CLMN: variants seen among roughly 807,000 people sequenced by gnomAD.
CLMN encodes the protein calmin (calponin-like, transmembrane).
Under a neutral mutation model 92.7 loss-of-function variants are expected in CLMN, and 57 were observed. That is an observed-to-expected ratio of 0.61 (90% CI 0.50 to 0.77). The LOEUF (loss-of-function observed/expected upper bound fraction) is 0.77. Among genes scored for constraint, CLMN ranks in the 30% least tolerant of loss-of-function variants. The pLI is 0.00. For synonymous variants in CLMN, 466 were observed against 470.6 expected (o/e 0.99, Z 0.13); for missense variants, 1,158 against 1,237.5 (o/e 0.94, Z 0.96).
At chr14:95,308,053 G>A (rs901893793) in intron 1 of CLMN, among the ~76,000 whole-genome samples, 1 of 152,190 alleles carries the variant, frequency 6.6e-6, no homozygotes, top group Admixed American at 6.5e-5. Context: ...GGACAAGAGG[G>A]TGGTTCCCAT....
intron 1 of CLMN, among the ~76,000 whole-genome samples, chr14:95,275,077 C>T (rs539031247): frequency 3.2e-4 from 48 of 152,032 alleles, no homozygotes; most frequent in African/African-American, 1.2e-3. Flanking sequence ...TACATATACC[C>T]AAGAAAGGCA....
chr14:95,301,673 C>T lies in CLMN; in HGVS notation c.82+18038G>A, dbSNP rs1361427173. On this transcript the variant is annotated intron_variant, in intron 1 of 12. Transcript: ENST00000298912. ...TTCCTGAACAACCAGCACATTCCTG[C>T]CCTTGCATGCTGGCTCATACCAACC... Among the ~76,000 whole-genome samples the T allele has an allele frequency of 2.6e-5, 4 of 152,368 alleles. No homozygotes were observed. In the South Asian group the frequency reaches 6.2e-4, roughly 24 times the overall value.
intron 2 of CLMN, among the ~76,000 whole-genome samples, chr14:95,228,119 T>G (rs1375855919): frequency 6.6e-6 from 1 of 152,138 alleles, no homozygotes. Flanking sequence ...TGCGGGTATA[T>G]TCACCACGTG....
At chr14:95,302,775 A>G (rs1901113625) in intron 1 of CLMN, among the ~76,000 whole-genome samples, 1 of 152,250 alleles carries the variant, frequency 6.6e-6, no homozygotes, top group African/African-American at 2.4e-5. Flanking sequence ...CCAACACACC[A>G]CAAGGACCCA....
chr14:95,292,559 T>C (rs907382764), intron 1 of CLMN, among the ~76,000 whole-genome samples: 1 of 151,684 alleles, frequency 6.6e-6, no homozygotes, highest in African/African-American at 2.4e-5. Context: ...CTAAGAAATG[T>C]CCTTGAATTT....
At position 95,191,321 on chromosome 14, in the gene CLMN, T is replaced by C; in HGVS notation, c.*243A>G. The C allele has an allele frequency of 2.9e-6, 1 of 340,636 alleles. No homozygotes were observed. The highest frequency in any genetic ancestry group is 5.2e-6 in the Non-Finnish European group (1 of 190,552). The allele number at this position is 340,636 out of a possible 1,614,324, so 21.1% of individuals were successfully genotyped here. On this transcript the variant is annotated 3_prime_UTR_variant, in exon 13 of 13. Coordinates refer to ENST00000298912, the MANE Select transcript of CLMN (RefSeq NM_024734.4). The surrounding 1 kb of genome is among the most constrained non-coding windows in gnomAD (Gnocchi z 5.3). ...AGGCACACAAGGACAAAACCCCACC[T>C]ACGGATCCAGCTGCATGCCTGAGTT...
At chr14:95,283,956 T>A (rs1223050831) in intron 1 of CLMN, among the ~76,000 whole-genome samples, 5 of 152,134 alleles carry the variant, frequency 3.3e-5, no homozygotes, top group Non-Finnish European at 7.4e-5. Context: ...AGAGAAAGTG[T>A]CTCCAGGCCA....
chr14:95,202,277 G>T (rs1271243649), intron 9 of CLMN, among the ~76,000 whole-genome samples: 1 of 152,158 alleles, frequency 6.6e-6, no homozygotes, highest in Non-Finnish European at 1.5e-5. Flanking sequence ...CATTCTTACT[G>T]GTGTGAGATG....
intron 1 of CLMN, among the ~76,000 whole-genome samples, chr14:95,267,148 C>T (rs1037795890): frequency 2.0e-5 from 3 of 152,050 alleles, no homozygotes; most frequent in Non-Finnish European, 4.4e-5. Flanking sequence ...CTTAAAAGAA[C>T]AGGGAACAAA....
chr14:95,242,431 T>C (rs1898286523), intron 1 of CLMN, among the ~76,000 whole-genome samples: 1 of 151,676 alleles, frequency 6.6e-6, no homozygotes, highest in African/African-American at 2.4e-5. Context: ...GCTAATTTTT[T>C]GTATTTCTAG....
At chr14:95,213,923 T>C (rs1183813891) in intron 5 of CLMN, among the ~76,000 whole-genome samples, 1 of 152,066 alleles carries the variant, frequency 6.6e-6, no homozygotes, top group Non-Finnish European at 1.5e-5. Flanking sequence ...CCTCAGGCAA[T>C]TCACACACAC....
chr14:95,314,927 G>T lies in CLMN; in HGVS notation c.82+4784C>A, dbSNP rs150536137. ...AAACCTGTGCATTTGGTTTTCTTTG[G>T]GTTTTTATATAGAAACCTTCAGTGC... On this transcript the variant is annotated intron_variant, in intron 1 of 12. Transcript: ENST00000298912. Among the ~76,000 whole-genome samples, 17 of 152,312 alleles carry T rather than the reference G, an allele frequency of 1.1e-4. No individual in the cohort carries two copies. The East Asian group carries it at 3.3e-3, about 29-fold the overall frequency.
At chr14:95,316,689 T>A (rs969770169) in intron 1 of CLMN, among the ~76,000 whole-genome samples, 1 of 152,226 alleles carries the variant, frequency 6.6e-6, no homozygotes, top group Non-Finnish European at 1.5e-5. Context: ...CTTAAACTTA[T>A]GGATATATGG....
At chr14:95,291,910 T>TG (rs1289993168) in intron 1 of CLMN, among the ~76,000 whole-genome samples, 3 of 151,884 alleles carry the variant, frequency 2.0e-5, no homozygotes, top group Admixed American at 6.5e-5. Context: ...GAACACAAAG[T>TG]GAAAAAAAAT....
At chr14:95,227,866 G>C (rs897463862) in intron 2 of CLMN, among the ~76,000 whole-genome samples, 1 of 152,232 alleles carries the variant, frequency 6.6e-6, no homozygotes, top group African/African-American at 2.4e-5. Flanking sequence ...TTGCAGTTAA[G>C]CCCAATTCAC....
intron 1 of CLMN, among the ~76,000 whole-genome samples, chr14:95,305,234 G>A (rs1047037041): frequency 2.6e-5 from 4 of 152,178 alleles, no homozygotes; most frequent in African/African-American, 7.2e-5. Context: ...CTTTGAAAAA[G>A]AGAGAGGTTA....
chr14:95,222,642 A>G (rs1221844455), intron 3 of CLMN: 2 of 452,900 alleles, frequency 4.4e-6, no homozygotes, highest in Admixed American at 4.8e-5. Flanking sequence ...AGCATAAACA[A>G]GGGACTAGAA....
chr14:95,221,841 T>C, intron 3 of CLMN, 67 bp from the exon 4 acceptor site: 21 of 1,387,468 alleles, frequency 1.5e-5, no homozygotes, highest in Non-Finnish European at 2.0e-5. Flanking sequence ...CACCCAGCGG[T>C]GCTGCTGGGT....
intron 1 of CLMN, among the ~76,000 whole-genome samples, chr14:95,300,261 T>A (rs963599116): frequency 6.6e-6 from 1 of 152,198 alleles, no homozygotes; most frequent in Non-Finnish European, 1.5e-5. Flanking sequence ...GACAATGAAG[T>A]GGCACCCCAA....
Sources: allele counts gnomAD v4.1 joint callset (sites outside exome capture counted in the v4.1 genomes callset), GRCh38; gene constraint gnomAD v4.1.1; non-coding constraint Gnocchi (gnomAD v3.1); transcripts MANE v1.5; gene names NCBI Gene and HGNC (gene_info 2026-07-23, HGNC 2026-07-21).